The following STXBP4 variants were observed in gnomAD, a reference collection of about 807,000 sequenced individuals.
STXBP4 encodes syntaxin-binding protein 4.
STXBP4 carries 55 observed loss-of-function variants against 76.1 expected under a neutral mutation model. The observed-to-expected ratio is 0.72, with a 90% CI of 0.58 to 0.91. The LOEUF is 0.91. STXBP4 is among the 40% of genes least tolerant of loss of function. STXBP4 has a pLI of 0.00. For synonymous variants in STXBP4, 201 were observed against 220.2 expected (o/e 0.91, Z 0.77); for missense variants, 618 against 636.9 (o/e 0.97, Z 0.32).
chr17:55,144,909 A>G (rs2080135788), intron 17 of STXBP4, among the ~76,000 whole-genome samples: 1 of 152,210 alleles, frequency 6.6e-6, no homozygotes, highest in Non-Finnish European at 1.5e-5. Flanking sequence ...CATTTATAAA[A>G]AGGAAAGTAT....
chr17:55,156,409 A>T (rs192860877), intron 17 of STXBP4, among the ~76,000 whole-genome samples: 1 of 152,344 alleles, frequency 6.6e-6, no homozygotes, highest in Admixed American at 6.5e-5. Flanking sequence ...GCTCACTAGG[A>T]CATAAAATTG....
At chr17:55,125,081 G>T (rs1411811825) in intron 16 of STXBP4, among the ~76,000 whole-genome samples, 1 of 152,154 alleles carries the variant, frequency 6.6e-6, no homozygotes, top group Non-Finnish European at 1.5e-5. Flanking sequence ...GAAACATTCA[G>T]TTTATACCAA....
chr17:55,086,168 C>G (rs1176985957), intron 16 of STXBP4, among the ~76,000 whole-genome samples: 1 of 152,102 alleles, frequency 6.6e-6, no homozygotes, highest in Non-Finnish European at 1.5e-5. Context: ...AAAATTTCAT[C>G]AGCACTTTTT....
At chr17:55,098,206 G>A (rs1334545361) in intron 16 of STXBP4, among the ~76,000 whole-genome samples, 1 of 152,066 alleles carries the variant, frequency 6.6e-6, no homozygotes, top group Non-Finnish European at 1.5e-5. Context: ...GTGAGAAACC[G>A]TGTGCTAAAA....
intron 9 of STXBP4, among the ~76,000 whole-genome samples, chr17:55,032,605 G>A (rs2078528602): frequency 6.6e-6 from 1 of 152,154 alleles, no homozygotes; most frequent in Non-Finnish European, 1.5e-5. Flanking sequence ...GCTCTTCTCT[G>A]CTCTTTCTCA....
chr17:55,084,139 C>A (rs2079293425), intron 16 of STXBP4, among the ~76,000 whole-genome samples: 1 of 151,996 alleles, frequency 6.6e-6, no homozygotes, highest in Non-Finnish European at 1.5e-5. Flanking sequence ...CTCTCCAGCA[C>A]CTGTTGTTTC....
intron 12 of STXBP4, among the ~76,000 whole-genome samples, chr17:55,050,719 G>A (rs2078848757): frequency 6.6e-6 from 1 of 152,170 alleles, no homozygotes; most frequent in Non-Finnish European, 1.5e-5. Context: ...CCAGGCTGTA[G>A]TGCAGGGACA....
At chr17:55,060,699 G>A (rs1229483926) in intron 12 of STXBP4, among the ~76,000 whole-genome samples, 2 of 152,118 alleles carry the variant, frequency 1.3e-5, no homozygotes, top group African/African-American at 2.4e-5. Context: ...ATGAGTTTTT[G>A]TGTCTTACAG....
At chr17:55,001,130 A>G (rs1215700501) in intron 7 of STXBP4, among the ~76,000 whole-genome samples, 1 of 152,210 alleles carries the variant, frequency 6.6e-6, no homozygotes, top group Non-Finnish European at 1.5e-5. Flanking sequence ...TGAAGCTGTA[A>G]TAATTAATGA....
intron 17 of STXBP4, among the ~76,000 whole-genome samples, chr17:55,144,430 A>G (rs1323772463): frequency 6.6e-6 from 1 of 152,216 alleles, no homozygotes; most frequent in African/African-American, 2.4e-5. Flanking sequence ...TACAGAGGCC[A>G]GTGAACAAAA....
intron 16 of STXBP4, among the ~76,000 whole-genome samples, chr17:55,086,381 C>A (rs2079329559): frequency 6.6e-6 from 1 of 152,102 alleles, no homozygotes; most frequent in Non-Finnish European, 1.5e-5. Context: ...AAACATTGAT[C>A]ATTTCCTTTG....
intron 16 of STXBP4, among the ~76,000 whole-genome samples, chr17:55,104,468 G>A (rs1286884378): frequency 1.3e-5 from 2 of 152,186 alleles, no homozygotes; most frequent in Non-Finnish European, 2.9e-5. Flanking sequence ...GCATCCCAGG[G>A]ATGAAGCTGA....
At chr17:55,175,452 C>T (rs1433646384), downstream of STXBP4, among the ~76,000 whole-genome samples, 2 of 152,064 alleles carry the variant, frequency 1.3e-5, no homozygotes, top group Admixed American at 6.5e-5. Flanking sequence ...AGAAACCAGC[C>T]CAGGCTATTT....
At chr17:55,129,032 T>C (rs1389756193) in intron 16 of STXBP4, among the ~76,000 whole-genome samples, 1 of 149,540 alleles carries the variant, frequency 6.7e-6, no homozygotes, top group African/African-American at 2.5e-5. Context: ...TGGGTTCAAG[T>C]GATTCTCCTG....
chr17:55,175,841 T>C (rs982381148), downstream of STXBP4, among the ~76,000 whole-genome samples: 4 of 152,082 alleles, frequency 2.6e-5, no homozygotes, highest in South Asian at 4.1e-4. Flanking sequence ...GTCTCTCCCA[T>C]CCTCCCTTCT....
At chr17:55,136,340 A>G (rs1257383807) in intron 16 of STXBP4, among the ~76,000 whole-genome samples, 2 of 152,136 alleles carry the variant, frequency 1.3e-5, no homozygotes, top group African/African-American at 2.4e-5. Context: ...CCACAGTAGT[A>G]TGTTTGAGCT....
At chr17:55,098,428 A>T (rs750164192) in intron 16 of STXBP4, among the ~76,000 whole-genome samples, 29 of 152,216 alleles carry the variant, frequency 1.9e-4, no homozygotes, top group Admixed American at 5.9e-4. Context: ...ACTTGTTTAG[A>T]AAATGGAAAT....
chr17:55,012,653 TCTC>T (rs1451641708), intron 8 of STXBP4, among the ~76,000 whole-genome samples: 2 of 152,132 alleles, frequency 1.3e-5, no homozygotes, highest in Non-Finnish European at 2.9e-5. Context: ...CCCTTTTCCT[TCTC>T]CTAATTCTAG....
intron 12 of STXBP4, among the ~76,000 whole-genome samples, chr17:55,070,416 G>C (rs1444186539): frequency 6.6e-6 from 1 of 152,268 alleles, no homozygotes; most frequent in Middle Eastern, 3.4e-3. Context: ...AAATTGACTG[G>C]TGTGGTAGGC....
Sources: allele counts gnomAD v4.1 joint callset (sites outside exome capture counted in the v4.1 genomes callset), GRCh38; gene constraint gnomAD v4.1.1; transcripts MANE v1.5; gene names NCBI Gene and HGNC (gene_info 2026-07-23, HGNC 2026-07-21).